Variants in TENM3 observed in about 807,000 individuals in gnomAD.
TENM3 encodes teneurin-3.
A neutral mutation model predicts 255.1 loss-of-function variants in TENM3; 63 were observed. That is an observed-to-expected ratio of 0.25 (90% confidence interval 0.20 to 0.30). The LOEUF (loss-of-function observed/expected upper bound fraction) is 0.30, where lower values mean the gene tolerates loss of function less well. Ranked by LOEUF, TENM3 falls within the 10% of genes least tolerant of loss-of-function variation. TENM3 has a pLI of 1.00. For missense variants in TENM3, 2,929 were observed against 3,461.1 expected (o/e 0.85, Z 3.86); for synonymous variants, 1,306 against 1,322.3 (o/e 0.99, Z 0.27).
rs775829452 is a variant in TENM3, at chr4:182,789,800, G to C, written c.5601+411G>C. ...TCAGCTTTGTGTTATTCCTGGCAGAGCTTCAACATAATCATAAAAAGCATG... is the reference window on the plus strand; with the variant it reads ...TCAGCTTTGTGTTATTCCTGGCAGACCTTCAACATAATCATAAAAAGCATG... On this transcript the variant is annotated intron_variant, in intron 25 of 27. Transcript: ENST00000511685. The surrounding 1 kb of genome is among the most constrained non-coding windows in gnomAD (Gnocchi z 4.4). Among the ~76,000 whole-genome samples, 1 of 152,194 alleles carries C rather than the reference G, an allele frequency of 6.6e-6. No homozygotes were observed. Among genetic ancestry groups the C allele is most frequent in the Non-Finnish European group, 1.5e-5 (1 of 68,034 alleles).
chr4:181,678,875 G>A, the TENM3 span, among the ~76,000 whole-genome samples: 1 of 150,618 alleles, frequency 6.6e-6, no homozygotes, highest in Non-Finnish European at 1.5e-5. Flanking sequence ...CATGATTTGG[G>A]GATATCATTA....
intron 3 of TENM3, among the ~76,000 whole-genome samples, chr4:182,348,681 G>A (rs902240341): frequency 2.0e-5 from 3 of 152,058 alleles, no homozygotes; most frequent in African/African-American, 7.2e-5. Flanking sequence ...TAACAAAGGT[G>A]TCTTGTTATG....
intron 3 of TENM3, among the ~76,000 whole-genome samples, chr4:182,591,729 G>A (rs1212976504): frequency 6.6e-6 from 1 of 152,128 alleles, no homozygotes; most frequent in African/African-American, 2.4e-5. Flanking sequence ...ATGAACTACA[G>A]GAACTGGTTT....
At chr4:182,579,970 G>A (rs1317229832) in intron 3 of TENM3, among the ~76,000 whole-genome samples, 1 of 152,120 alleles carries the variant, frequency 6.6e-6, no homozygotes, top group Non-Finnish European at 1.5e-5. Context: ...ATGACATTTT[G>A]GTCCTTTTGA....
At chr4:181,454,659 A>T in the TENM3 span, among the ~76,000 whole-genome samples, 4 of 20,796 alleles carry the variant, frequency 1.9e-4, no homozygotes, top group Admixed American at 3.9e-4. Flanking sequence ...TGCCTTTTCT[A>T]TGTTTTTTAT....
At chr4:182,688,549 G>T (rs1259708310) in intron 12 of TENM3, among the ~76,000 whole-genome samples, 198 bp downstream of exon 12, 1 of 152,176 alleles carries the variant, frequency 6.6e-6, no homozygotes, top group Non-Finnish European at 1.5e-5. Flanking sequence ...TCACAAGTAT[G>T]AGCTATAAAC....
chr4:182,049,229 T>C, the TENM3 span, among the ~76,000 whole-genome samples: 1 of 152,192 alleles, frequency 6.6e-6, no homozygotes, highest in Admixed American at 6.5e-5. Context: ...GTTCTTTGGT[T>C]CAAGCATGAT....
At chr4:182,079,324 G>C in the TENM3 span, among the ~76,000 whole-genome samples, 1 of 152,106 alleles carries the variant, frequency 6.6e-6, no homozygotes, top group Admixed American at 6.6e-5. Context: ...AGACCATCCT[G>C]GCTAACACGG....
intron 3 of TENM3, among the ~76,000 whole-genome samples, chr4:182,554,756 A>G (rs912829588): frequency 6.6e-6 from 1 of 152,194 alleles, no homozygotes; most frequent in African/African-American, 2.4e-5. Flanking sequence ...AATCAAAAGA[A>G]TTCTGAAACA....
the TENM3 span, among the ~76,000 whole-genome samples, chr4:181,455,792 T>C: frequency 6.6e-6 from 1 of 151,878 alleles, no homozygotes; most frequent in Non-Finnish European, 1.5e-5. Context: ...CTGAAAGTAG[T>C]GGATTCAACT....
At chr4:182,672,629 G>A (rs1579071967) in intron 6 of TENM3, among the ~76,000 whole-genome samples, 1 of 152,298 alleles carries the variant, frequency 6.6e-6, no homozygotes, top group East Asian at 1.9e-4. Flanking sequence ...CAGTGTTATA[G>A]TATGTTTAGA....
chr4:182,023,620 A>T, the TENM3 span, among the ~76,000 whole-genome samples: 2 of 152,220 alleles, frequency 1.3e-5, no homozygotes, highest in Non-Finnish European at 2.9e-5. Context: ...CCCCCTGTGC[A>T]TGGAAAATTG....
intron 12 of TENM3, among the ~76,000 whole-genome samples, chr4:182,693,415 C>T (rs1016417449): frequency 6.6e-6 from 1 of 151,842 alleles, no homozygotes; most frequent in Non-Finnish European, 1.5e-5. Flanking sequence ...CGGGTCACTG[C>T]AAACTCCACC....
At chr4:181,970,172 A>G in the TENM3 span, among the ~76,000 whole-genome samples, 4 of 152,336 alleles carry the variant, frequency 2.6e-5, no homozygotes, top group South Asian at 8.3e-4. Context: ...ACTTTTATTG[A>G]TTCATAAAAC....
At chr4:181,923,732 C>T in the TENM3 span, among the ~76,000 whole-genome samples, 2 of 151,986 alleles carry the variant, frequency 1.3e-5, no homozygotes, top group East Asian at 3.9e-4. Context: ...GAAATGATAG[C>T]CTGGAAACAT....
chr4:181,522,087 C>T, the TENM3 span, among the ~76,000 whole-genome samples: 14 of 106,296 alleles, frequency 1.3e-4, no homozygotes, highest in East Asian at 1.5e-3. Context: ...GGCAACAGAG[C>T]GAGACTCCGT....
chr4:182,281,311 T>C (rs1238894806), intron 1 of TENM3, among the ~76,000 whole-genome samples: 2 of 152,216 alleles, frequency 1.3e-5, no homozygotes, highest in African/African-American at 4.8e-5. Flanking sequence ...TAATAACAGA[T>C]ATATTTAAAG....
intron 1 of TENM3, among the ~76,000 whole-genome samples, chr4:182,165,936 G>A (rs1432829971): frequency 2.6e-5 from 4 of 152,008 alleles, no homozygotes; most frequent in African/African-American, 4.8e-5. Context: ...GTGCCACCAC[G>A]CCAGTCTAAT....
chr4:181,727,174 C>T, the TENM3 span, among the ~76,000 whole-genome samples: 1 of 152,154 alleles, frequency 6.6e-6, no homozygotes, highest in Admixed American at 6.6e-5. Flanking sequence ...CTACCTTCCC[C>T]AGAGGTTGGG....
Sources: gnomAD v4.1 joint callset for allele counts (sites outside exome capture counted in the v4.1 genomes callset) on GRCh38, gnomAD v4.1.1 for gene constraint, Gnocchi (gnomAD v3.1) non-coding constraint, MANE v1.5 for transcripts, NCBI Gene and HGNC (gene_info 2026-07-23, HGNC 2026-07-21) for gene names.